The following PLCG2 variants were observed in gnomAD, a reference collection of about 807,000 sequenced individuals.
PLCG2 encodes phospholipase C gamma 2, also known as 1-phosphatidylinositol 4,5-bisphosphate phosphodiesterase gamma-2.
Under a neutral mutation model 175.6 loss-of-function variants are expected in PLCG2, and 69 were observed. The ratio of observed to expected loss-of-function variants is 0.39; its 90% confidence interval spans 0.32 to 0.48. The LOEUF (loss-of-function observed/expected upper bound fraction) is 0.48. PLCG2 is among the 20% of genes least tolerant of loss of function. The pLI is 0.91. For missense variants in PLCG2, 1,798 were observed against 1,650.9 expected (o/e 1.09, Z -1.54); for synonymous variants, 827 against 624.0 (o/e 1.33, Z -4.85).
chr16:81,949,773 A>G (rs989293240), intron 31 of PLCG2, among the ~76,000 whole-genome samples: 1 of 152,190 alleles, frequency 6.6e-6, no homozygotes, highest in Non-Finnish European at 1.5e-5. Context: ...GAAGAAATAT[A>G]CCATGATAAA....
chr16:81,789,871 C>G (rs1911153886), intron 2 of PLCG2, among the ~76,000 whole-genome samples: 1 of 142,252 alleles, frequency 7.0e-6, no homozygotes, highest in Admixed American at 7.4e-5. Context: ...TCCCCTCTGT[C>G]ATTTGGATGC....
intron 2 of PLCG2, among the ~76,000 whole-genome samples, chr16:81,773,584 A>G (rs1380641621): frequency 6.6e-6 from 1 of 152,030 alleles, no homozygotes; most frequent in African/African-American, 2.4e-5. Flanking sequence ...TTGATTTTAC[A>G]TGAGGTTTGG....
intron 32 of PLCG2, 49 bp downstream of exon 32, chr16:81,956,928 C>A: frequency 6.7e-7 from 1 of 1,496,186 alleles, no homozygotes. Context: ...TCTCTAGGCA[C>A]GGTGATGATG....
At chr16:81,904,769 T>A (rs1909295053) in intron 14 of PLCG2, among the ~76,000 whole-genome samples, 1 of 152,198 alleles carries the variant, frequency 6.6e-6, no homozygotes, top group Admixed American at 6.5e-5. Context: ...GGGTTTATAT[T>A]CTAGCAGTGA....
chr16:81,938,000 G>C, intron 28 of PLCG2, 97 bp downstream of exon 28: 12 of 1,161,754 alleles, frequency 1.0e-5, no homozygotes, highest in Non-Finnish European at 1.5e-5. Context: ...TGTCTAGGGA[G>C]GCTGGTTGTC....
At chr16:81,754,498 C>T (rs1299113592) in intron 1 of PLCG2, among the ~76,000 whole-genome samples, 1 of 109,732 alleles carries the variant, frequency 9.1e-6, no homozygotes, top group Admixed American at 1.1e-4. Context: ...CCTCCTTTCC[C>T]ATCTCCTTTC....
chr16:81,795,019 A>T (rs187541055), intron 2 of PLCG2, among the ~76,000 whole-genome samples: 41 of 152,314 alleles, frequency 2.7e-4, no homozygotes, highest in African/African-American at 5.5e-4. Context: ...TCTATCCTGG[A>T]TGACAACCTT....
chr16:81,913,702 G>C (rs1008685484), intron 19 of PLCG2, among the ~76,000 whole-genome samples: 2 of 152,218 alleles, frequency 1.3e-5, no homozygotes, highest in African/African-American at 4.8e-5. Flanking sequence ...TTTCCACATG[G>C]GCGCGGTGGT....
chr16:81,867,522 T>C (rs1479930225), intron 5 of PLCG2, among the ~76,000 whole-genome samples: 2 of 152,218 alleles, frequency 1.3e-5, no homozygotes, highest in Non-Finnish European at 2.9e-5. Flanking sequence ...GAGATGATCA[T>C]GGTACCTGCC....
intron 2 of PLCG2, among the ~76,000 whole-genome samples, chr16:81,826,669 T>C (rs1905061355): frequency 6.6e-6 from 1 of 152,184 alleles, no homozygotes; most frequent in Non-Finnish European, 1.5e-5. Context: ...TCAGTGGTCT[T>C]ATTAACCTCT....
chr16:81,739,337 G>A (rs892838900), exon 1 of PLCG2: 2 of 151,996 alleles, frequency 1.3e-5, no homozygotes, highest in Admixed American at 6.6e-5. Flanking sequence ...CAACAGTGGC[G>A]GGTCTGCAGT....
At chr16:81,741,874 C>G (rs977544975) in intron 1 of PLCG2, among the ~76,000 whole-genome samples, 1 of 152,134 alleles carries the variant, frequency 6.6e-6, no homozygotes, top group Non-Finnish European at 1.5e-5. Flanking sequence ...TTTGTCATTT[C>G]TTTGTGTTGT....
At chr16:81,760,870 GC>G (rs1481086064) in intron 2 of PLCG2, among the ~76,000 whole-genome samples, 1 of 152,058 alleles carries the variant, frequency 6.6e-6, no homozygotes, top group African/African-American at 2.4e-5. Flanking sequence ...CTCAAGGCCA[GC>G]CTGTGCAATA....
chr16:81,828,594 G>C (rs1458939428), intron 2 of PLCG2, among the ~76,000 whole-genome samples: 1 of 152,044 alleles, frequency 6.6e-6, no homozygotes, highest in Non-Finnish European at 1.5e-5. Flanking sequence ...TTGCTTTTAT[G>C]AGCTGCAGTT....
chr16:81,839,798 C>T (rs1433189769), intron 2 of PLCG2, among the ~76,000 whole-genome samples: 7 of 152,172 alleles, frequency 4.6e-5, no homozygotes, highest in Non-Finnish European at 8.8e-5. Flanking sequence ...TGCCTGTAAT[C>T]CCAACACTTG....
chr16:81,768,431 A>G (rs1179697249), intron 2 of PLCG2, among the ~76,000 whole-genome samples: 7 of 152,196 alleles, frequency 4.6e-5, no homozygotes, highest in Non-Finnish European at 1.0e-4. Context: ...TTGCTGGGTC[A>G]TATGGTAAGT....
At chr16:81,947,855 C>G (rs1911210187) in intron 31 of PLCG2, among the ~76,000 whole-genome samples, 2 of 151,986 alleles carry the variant, frequency 1.3e-5, no homozygotes, top group Admixed American at 6.6e-5. Context: ...GAAAAGAGTC[C>G]CCCAGATAGC....
At chr16:81,948,577 T>C (rs1203902181) in intron 31 of PLCG2, among the ~76,000 whole-genome samples, 3 of 152,206 alleles carry the variant, frequency 2.0e-5, no homozygotes, top group African/African-American at 7.2e-5. Context: ...CTTGAATCCC[T>C]TTGTAGAAGA....
intron 31 of PLCG2, among the ~76,000 whole-genome samples, chr16:81,955,969 C>T (rs906329151): frequency 6.6e-6 from 1 of 152,120 alleles, no homozygotes; most frequent in African/African-American, 2.4e-5. Context: ...TGGTTTATAG[C>T]CTATTACGTG....
Sources: gnomAD v4.1 joint callset for allele counts (sites outside exome capture counted in the v4.1 genomes callset) on GRCh38, gnomAD v4.1.1 for gene constraint, MANE v1.5 for transcripts, NCBI Gene and HGNC (gene_info 2026-07-23, HGNC 2026-07-21) for gene names.